CHST9: variants seen among roughly 807,000 people sequenced by gnomAD.
The protein encoded by CHST9 is GalNAc-4-sulfotransferase 2.
CHST9 carries 41 observed loss-of-function variants against 44.4 expected under a neutral mutation model. That is an observed-to-expected ratio of 0.92 (90% CI 0.72 to 1.20). The LOEUF (loss-of-function observed/expected upper bound fraction) is 1.20. Ranked by LOEUF, CHST9 falls within the 50% of genes most tolerant of loss-of-function variation. The pLI is 0.00. For missense variants in CHST9, 504 were observed against 516.5 expected, an observed-to-expected ratio of 0.98 and a Z score of 0.23; for synonymous variants, 171 against 178.4, an observed-to-expected ratio of 0.96 and a Z score of 0.33.
In CHST9 at chr18:26,908,364, C is replaced by G. The variant is rs1427667969; in HGVS notation, c.*7895G>C. On this transcript the variant is annotated 3_prime_UTR_variant, in exon 6 of 6. Coordinates refer to ENST00000618847, the MANE Select transcript of CHST9 (RefSeq NM_031422.6). ...CCCAGGACGTGGAGGTTGCAGTGAG[C>G]AGAGATGGTGCCACTGCACTGCAGC... The G allele has an allele frequency of 6.6e-6, 1 of 151,614 alleles. No homozygotes were observed. The highest frequency in any genetic ancestry group is 1.5e-5 in the Non-Finnish European group (1 of 68,004). The allele number at this position is 151,614 out of a possible 1,614,324, so 9.4% of individuals were successfully genotyped here. A position where few individuals can be genotyped will look rare whatever the true frequency, so the allele number is the denominator to read the frequency against.
rs1468731214 is a variant in CHST9 at position 26,917,322 on chromosome 18, A to G, written c.269T>C (p.Val90Ala). The G allele has an allele frequency of 6.2e-7, 1 of 1,612,480 alleles. No individual in the cohort carries two copies. Among genetic ancestry groups the G allele is most frequent in the Admixed American group, 1.7e-5 (1 of 59,898 alleles). The stretch of plus-strand genomic sequence containing the variant: ...TAGAAGATTTTCCTTTTTTTCTCGT[A>G]CATCCTCAGGCATGTGAAACTTGGG... ...QNPKFHMPED[V>A]REKKENLLLN... The change falls in exon 6 of 6, where the codon GTA becomes GCA. Residue 90 changes from valine (V) to alanine (A), a missense_variant. Physicochemically the swap from Val to Ala is moderately conservative, Grantham distance 64. Coordinates refer to ENST00000618847, the MANE Select transcript of CHST9 (RefSeq NM_031422.6).
At chr18:27,081,713 T>C (rs182174812) in intron 2 of CHST9, among the ~76,000 whole-genome samples, 61 of 152,316 alleles carry the variant, frequency 4.0e-4, no homozygotes, top group African/African-American at 1.4e-3. Context: ...ATCCAGTTTC[T>C]CCTAAAGTTT....
intron 4 of CHST9, among the ~76,000 whole-genome samples, chr18:26,952,931 A>G (rs890154398): frequency 2.0e-5 from 3 of 152,172 alleles, no homozygotes; most frequent in East Asian, 1.9e-4. Flanking sequence ...GGGAAAACCA[A>G]TATGATTGGT....
chr18:27,094,439 T>C (rs1242449936), intron 2 of CHST9, among the ~76,000 whole-genome samples: 1 of 152,212 alleles, frequency 6.6e-6, no homozygotes, highest in East Asian at 1.9e-4. Flanking sequence ...TGTCAGGTGA[T>C]AACATCAAAG....
intron 2 of CHST9, among the ~76,000 whole-genome samples, chr18:27,140,757 G>A (rs143997425): frequency 2.0e-5 from 3 of 152,224 alleles, no homozygotes; most frequent in African/African-American, 7.2e-5. Context: ...TATATTTCAG[G>A]AGGAATTAGC....
intron 2 of CHST9, among the ~76,000 whole-genome samples, chr18:27,131,547 G>A (rs913033637): frequency 5.9e-5 from 9 of 151,952 alleles, no homozygotes; most frequent in South Asian, 2.1e-4. Context: ...GCAAAACTCC[G>A]TATCAAAAAA....
intron 2 of CHST9, among the ~76,000 whole-genome samples, chr18:27,127,038 G>A (rs748455662): frequency 2.6e-5 from 4 of 152,092 alleles, no homozygotes; most frequent in African/African-American, 4.8e-5. Flanking sequence ...CTACTGAATC[G>A]GAGTATTCTG....
At chr18:27,021,632 A>G (rs560586425) in intron 4 of CHST9, among the ~76,000 whole-genome samples, 7 of 152,086 alleles carry the variant, frequency 4.6e-5, no homozygotes, top group South Asian at 4.2e-4. Flanking sequence ...ATATTTTTCC[A>G]TGTCTCTTTC....
chr18:27,126,938 T>C (rs979511223), intron 2 of CHST9, among the ~76,000 whole-genome samples: 1 of 152,126 alleles, frequency 6.6e-6, no homozygotes, highest in Non-Finnish European at 1.5e-5. Flanking sequence ...AAGATCTTTC[T>C]GGATAACATG....
chr18:27,103,558 T>C (rs2058193351), intron 2 of CHST9, among the ~76,000 whole-genome samples: 1 of 152,210 alleles, frequency 6.6e-6, no homozygotes, highest in Non-Finnish European at 1.5e-5. Flanking sequence ...GGTGCTAAGA[T>C]GGTGACCGCA....
At chr18:27,167,077 A>C (rs901233281) in intron 1 of CHST9, among the ~76,000 whole-genome samples, 1 of 152,222 alleles carries the variant, frequency 6.6e-6, no homozygotes, top group Non-Finnish European at 1.5e-5. Context: ...AGTAAGAGTG[A>C]CGCTTTCCTT....
chr18:27,144,654 G>A (rs1338032567), intron 1 of CHST9, among the ~76,000 whole-genome samples: 4 of 151,952 alleles, frequency 2.6e-5, no homozygotes, highest in South Asian at 2.1e-4. Context: ...AGGCCACTGC[G>A]CTTCAGCCTA....
At chr18:26,952,250 T>A in intron 4 of CHST9, 1 of 527,084 alleles carries the variant, frequency 1.9e-6, no homozygotes, top group Non-Finnish European at 3.8e-6. Flanking sequence ...CATCATCTGC[T>A]GGCCTGAGAT....
chr18:27,161,344 A>C (rs570684124), intron 1 of CHST9, among the ~76,000 whole-genome samples: 1 of 152,168 alleles, frequency 6.6e-6, no homozygotes, highest in East Asian at 1.9e-4. Flanking sequence ...GAACATCTTT[A>C]TTTCTGCCTT....
chr18:27,022,267 G>A (rs10745012), intron 4 of CHST9, among the ~76,000 whole-genome samples: 97,757 of 151,850 alleles, frequency 0.64, 31,934 homozygotes, highest in African/African-American at 0.74. Flanking sequence ...AAGAAAATGG[G>A]AGCTTTCAGG....
chr18:27,066,234 TAGCGAGAGGGCC>T (rs1435102907), intron 2 of CHST9, among the ~76,000 whole-genome samples: 1 of 152,198 alleles, frequency 6.6e-6, no homozygotes, highest in African/African-American at 2.4e-5. Context: ...CAAGGTAAAA[TAGCGAGAGGGCC>T]AGCATTTGGA....
chr18:26,996,579 C>T (rs1169693660), intron 4 of CHST9, among the ~76,000 whole-genome samples: 7 of 152,196 alleles, frequency 4.6e-5, no homozygotes, highest in Non-Finnish European at 4.4e-5. Flanking sequence ...CAAAACCAAA[C>T]TCCATTGGCT....
intron 2 of CHST9, among the ~76,000 whole-genome samples, chr18:27,115,670 G>A (rs1284661514): frequency 6.6e-6 from 1 of 151,916 alleles, no homozygotes; most frequent in African/African-American, 2.4e-5. Context: ...GCATGCCACC[G>A]ACTTGGCTTT....
In CHST9 at chr18:27,164,384, A is replaced by T. The variant is rs111431624; in HGVS notation, c.-97+20752T>A. Among the ~76,000 whole-genome samples, 1,179 of 151,856 alleles carry T rather than the reference A, an allele frequency of 7.8e-3. 18 individuals carry two copies. The highest frequency in any genetic ancestry group is 0.027 in the African/African-American group (1,120 of 41,496). ...CCAAGTGAAAAACATATGAGTTGGA[A>T]GATAAGTTAAGGTGATTCTTAGAAA... is the stretch of plus-strand genomic sequence containing the variant. On this transcript the variant is annotated intron_variant, in intron 1 of 5. Transcript: ENST00000618847.
Sources: gnomAD v4.1 joint callset for allele counts (sites outside exome capture counted in the v4.1 genomes callset) on GRCh38, gnomAD v4.1.1 for gene constraint, MANE v1.5 for transcripts, NCBI Gene and HGNC (gene_info 2026-07-23, HGNC 2026-07-21) for gene names.